The following TSPAN11 variants were observed in gnomAD, a reference collection of about 807,000 sequenced individuals.
The protein encoded by TSPAN11 is tetraspanin-11.
A neutral mutation model predicts 32.9 loss-of-function variants in TSPAN11; 29 were observed. That is an observed-to-expected ratio of 0.88 (90% CI 0.66 to 1.20). The LOEUF (loss-of-function observed/expected upper bound fraction) is 1.20, where lower values mean the gene tolerates loss of function less well. Ranked by LOEUF, TSPAN11 falls within the 50% of genes most tolerant of loss-of-function variation. The pLI, the probability that TSPAN11 is intolerant of heterozygous loss-of-function variation, is 0.00. For missense variants in TSPAN11, 283 were observed against 329.1 expected, an observed-to-expected ratio of 0.86 and a Z score of 1.08; for synonymous variants, 140 against 141.3, an observed-to-expected ratio of 0.99 and a Z score of 0.07.
Position 30,978,539 on chromosome 12 carries a change from C to T in TSPAN11, c.277-22C>T, listed in dbSNP as rs373697849. ...GCAGCAACCCGATCCCAGTGGTGACCGTCCTCTCTCTTTGCTGCTAGTATT... is the reference window on the plus strand; with the variant it reads ...GCAGCAACCCGATCCCAGTGGTGACTGTCCTCTCTCTTTGCTGCTAGTATT... On this transcript the variant is annotated intron_variant, in intron 3 of 7. Coordinates refer to ENST00000546076, the MANE Select transcript of TSPAN11 (RefSeq NM_001370302.1). 1.8e-4 allele frequency: 298 copies of T among 1,613,064 alleles called. 2 individuals carry two copies. The East Asian group carries it at 5.0e-3, about 27-fold the overall frequency.
downstream of TSPAN11, among the ~76,000 whole-genome samples, chr12:31,000,512 ATAGGCATT>A (rs1256054757): frequency 3.3e-5 from 5 of 152,212 alleles, no homozygotes; most frequent in Non-Finnish European, 7.3e-5. Context: ...ACTCTGTAAA[ATAGGCATT>A]ATTCTCATTT....
downstream of TSPAN11, among the ~76,000 whole-genome samples, chr12:30,997,888 G>A (rs886151371): frequency 3.0e-4 from 45 of 152,194 alleles, no homozygotes; most frequent in Non-Finnish European, 1.3e-4. Context: ...TCCCCAGGCA[G>A]GGACCCACTT....
intron 1 of TSPAN11, among the ~76,000 whole-genome samples, chr12:30,940,575 A>G (rs1938139994): frequency 6.6e-6 from 1 of 152,178 alleles, no homozygotes; most frequent in South Asian, 2.1e-4. Context: ...GGTGGTAAAG[A>G]GCCAACCTGG....
chr12:31,001,090 C>T (rs189056697), downstream of TSPAN11, among the ~76,000 whole-genome samples: 5 of 152,294 alleles, frequency 3.3e-5, no homozygotes, highest in Non-Finnish European at 4.4e-5. Flanking sequence ...ACTGTAGCTG[C>T]GGCCAGCTTT....
chr12:30,998,400 T>C (rs1270357642), downstream of TSPAN11, among the ~76,000 whole-genome samples: 1 of 152,234 alleles, frequency 6.6e-6, no homozygotes, highest in Non-Finnish European at 1.5e-5. Context: ...GGGACGCTGG[T>C]TCCCACTGCC....
chr12:30,927,328 T>A (rs1937821127), intron 1 of TSPAN11, among the ~76,000 whole-genome samples: 1 of 152,244 alleles, frequency 6.6e-6, no homozygotes, highest in Admixed American at 6.5e-5. Flanking sequence ...CCCTGTCACC[T>A]GTGTTTTCGT....
At chr12:30,973,081 C>T (rs187349186) in intron 3 of TSPAN11, among the ~76,000 whole-genome samples, 6 of 152,296 alleles carry the variant, frequency 3.9e-5, no homozygotes, top group African/African-American at 1.4e-4. Context: ...CCAGTGAGCT[C>T]ATCCGTCCAT....
intron 3 of TSPAN11, among the ~76,000 whole-genome samples, chr12:30,974,591 C>T (rs1938921325): frequency 6.6e-6 from 1 of 152,224 alleles, no homozygotes; most frequent in Non-Finnish European, 1.5e-5. Context: ...TGCACTCCTG[C>T]GTCTTTATCA....
At chr12:30,962,993 G>T (rs1233314759) in intron 2 of TSPAN11, among the ~76,000 whole-genome samples, 1 of 152,232 alleles carries the variant, frequency 6.6e-6, no homozygotes, top group East Asian at 1.9e-4. Flanking sequence ...AACCAGCCAA[G>T]CCGAGCCATC....
In TSPAN11 at chr12:30,957,099, A is replaced by G. The variant is rs1938493502; in HGVS notation, c.84+3024A>G. ...GGAAGCACCTTCTGCCGAGTCTCAA[A>G]GCCCTTCTCTTCGTACATCAACATC... On this transcript the variant is annotated intron_variant, in intron 2 of 7. Coordinates refer to ENST00000546076, the MANE Select transcript of TSPAN11 (RefSeq NM_001370302.1). 2.6e-5 allele frequency among the ~76,000 whole-genome samples: 4 copies of G among 152,186 alleles called. No homozygotes were observed. The South Asian group carries it at 8.3e-4, about 32-fold the overall frequency.
At chr12:31,001,473 C>T (rs75501786), downstream of TSPAN11, among the ~76,000 whole-genome samples, 135 of 152,342 alleles carry the variant, frequency 8.9e-4, 1 homozygote, top group East Asian at 0.025. Flanking sequence ...TCTTCTGGGG[C>T]CCCTACTGGA....
Position 30,952,008 on chromosome 12 carries a change from C to A in TSPAN11, c.-11-1973C>A, listed in dbSNP as rs563075504. Among the ~76,000 whole-genome samples, 8 of 152,334 alleles carry A rather than the reference C, an allele frequency of 5.3e-5. No homozygotes were observed. The East Asian group carries it at 1.2e-3, about 22-fold the overall frequency. ...ACATTTTGTGGTTCTATTTTCCCCA[C>A]CACTAATGACTGAAATTTTACCATT... On this transcript the variant is annotated intron_variant, in intron 1 of 7. Coordinates refer to ENST00000546076, the MANE Select transcript of TSPAN11 (RefSeq NM_001370302.1).
chr12:31,011,537 G>A, the TSPAN11 span, among the ~76,000 whole-genome samples: 4 of 152,178 alleles, frequency 2.6e-5, no homozygotes, highest in African/African-American at 9.7e-5. Context: ...TCTCACTGCA[G>A]CCCGGCATCA....
At chr12:30,977,517 A>T (rs926817777) in intron 3 of TSPAN11, among the ~76,000 whole-genome samples, 1 of 151,308 alleles carries the variant, frequency 6.6e-6, no homozygotes, top group Admixed American at 6.6e-5. Flanking sequence ...AGTGGGGCCA[A>T]TTTCCATCAG....
intron 1 of TSPAN11, among the ~76,000 whole-genome samples, chr12:30,932,561 G>A (rs112380980): frequency 1.4e-4 from 21 of 152,258 alleles, no homozygotes; most frequent in African/African-American, 2.9e-4. Context: ...TCCTTCTCTC[G>A]AGAGTTGATA....
chr12:30,937,675 T>C (rs1007693814), intron 1 of TSPAN11, among the ~76,000 whole-genome samples: 2 of 152,202 alleles, frequency 1.3e-5, no homozygotes, highest in African/African-American at 4.8e-5. Context: ...CCAAGGGCAG[T>C]GCGTGGTCTC....
At chr12:30,953,915 T>C in intron 1 of TSPAN11, 66 bp from the exon 2 acceptor site, 1 of 1,228,682 alleles carries the variant, frequency 8.1e-7, no homozygotes, top group Admixed American at 1.9e-5. Flanking sequence ...CAAGATGCTC[T>C]GGCTCTGGGA....
At chr12:30,957,120 A>G (rs56314750) in intron 2 of TSPAN11, among the ~76,000 whole-genome samples, 30,279 of 151,968 alleles carry the variant, frequency 0.2, 3,172 homozygotes, top group African/African-American at 0.24. Flanking sequence ...TCGTACATCA[A>G]CATCCCACTG....
Position 30,978,614 on chromosome 12 carries a change from G to A in TSPAN11, c.330G>A (p.Leu110=), listed in dbSNP as rs760866751. The change falls in exon 4 of 8, where the codon CTG becomes CTA. Residue 110 remains leucine, a synonymous_variant. Transcript: ENST00000546076. ...TGGTTGAGCTGGTGGCGGGAGTCCT[G>A]GCCCATGTGTATTACCAGAGGGTAA... ...IFLVELVAGV[L]AHVYYQRLSD... is the part of the protein sequence containing the mutation. 3.4e-5 allele frequency: 55 copies of A among 1,614,056 alleles called. No homozygotes were observed. The highest frequency in any genetic ancestry group is 4.5e-5 in the Non-Finnish European group (53 of 1,180,028).
Sources: gnomAD v4.1 joint callset for allele counts (sites outside exome capture counted in the v4.1 genomes callset) on GRCh38, gnomAD v4.1.1 for gene constraint, MANE v1.5 for transcripts, NCBI Gene and HGNC (gene_info 2026-07-23, HGNC 2026-07-21) for gene names.